Variants in ENTREP2 observed in about 807,000 individuals in gnomAD.
ENTREP2 encodes endosomal transmembrane epsin interactor 2.
the ENTREP2 span, among the ~76,000 whole-genome samples, chr15:29,460,880 A>G: frequency 6.6e-6 from 1 of 152,216 alleles, no homozygotes; most frequent in Non-Finnish European, 1.5e-5. Flanking sequence ...AATAAAACCT[A>G]GAAGTCAATT....
At chr15:29,444,246 GAA>G in the ENTREP2 span, among the ~76,000 whole-genome samples, 27 of 147,610 alleles carry the variant, frequency 1.8e-4, no homozygotes, top group African/African-American at 6.5e-4. Context: ...AAGAAAGAAA[GAA>G]AGAGAAAGAG....
chr15:29,577,729 T>C, the ENTREP2 span, among the ~76,000 whole-genome samples: 1 of 152,186 alleles, frequency 6.6e-6, no homozygotes, highest in Non-Finnish European at 1.5e-5. Flanking sequence ...GGTCTGTACA[T>C]ACATTGGAAT....
the ENTREP2 span, chr15:29,121,780 G>C: frequency 6.6e-6 from 1 of 152,186 alleles, no homozygotes; most frequent in Non-Finnish European, 1.5e-5. Context: ...CTTTTCAGCC[G>C]ACCACAGCTG....
At chr15:29,659,069 T>C in the ENTREP2 span, among the ~76,000 whole-genome samples, 1 of 152,250 alleles carries the variant, frequency 6.6e-6, no homozygotes, top group Non-Finnish European at 1.5e-5. Flanking sequence ...CTGTCCTTTC[T>C]AGCACATAAA....
the ENTREP2 span, among the ~76,000 whole-genome samples, chr15:29,411,970 C>T: frequency 1.3e-5 from 2 of 152,168 alleles, no homozygotes; most frequent in African/African-American, 4.8e-5. Flanking sequence ...CACTTACTGT[C>T]TATAGCTTAA....
the ENTREP2 span, among the ~76,000 whole-genome samples, chr15:29,514,090 C>T: frequency 6.6e-6 from 1 of 152,200 alleles, no homozygotes; most frequent in African/African-American, 2.4e-5. Flanking sequence ...TGGTAAAAAA[C>T]ATGTAAGATT....
the ENTREP2 span, among the ~76,000 whole-genome samples, chr15:29,532,276 T>C: frequency 8.5e-5 from 13 of 152,192 alleles, no homozygotes; most frequent in Admixed American, 7.2e-4. Context: ...TGATCTGTGT[T>C]TACTAAAACT....
At chr15:29,443,336 A>G in the ENTREP2 span, among the ~76,000 whole-genome samples, 7 of 152,180 alleles carry the variant, frequency 4.6e-5, no homozygotes, top group Non-Finnish European at 8.8e-5. Flanking sequence ...GACCCTCCAA[A>G]GCCCAGGAAC....
chr15:29,315,692 T>C, the ENTREP2 span, among the ~76,000 whole-genome samples: 4 of 151,946 alleles, frequency 2.6e-5, no homozygotes, highest in Non-Finnish European at 5.9e-5. Context: ...TCCAAAGTAA[T>C]AAGGGAAAAA....
chr15:29,609,686 A>G, the ENTREP2 span: 1 of 150,102 alleles, frequency 6.7e-6, no homozygotes, highest in East Asian at 2.0e-4. Flanking sequence ...TAATAATAAT[A>G]ATCTGTTTAT....
chr15:29,495,704 A>G, the ENTREP2 span, among the ~76,000 whole-genome samples: 1 of 152,136 alleles, frequency 6.6e-6, no homozygotes, highest in South Asian at 2.1e-4. Flanking sequence ...CCTTTGTCAA[A>G]GATTAGTTGA....
chr15:29,126,317 C>G, the ENTREP2 span: 1 of 1,510,404 alleles, frequency 6.6e-7, no homozygotes, highest in Non-Finnish European at 8.9e-7. Context: ...GCGGGACACA[C>G]GCCCGGGACC....
At chr15:29,123,030 C>A in the ENTREP2 span, 205 of 291,376 alleles carry the variant, frequency 7.0e-4, 1 homozygote, top group East Asian at 0.011. Flanking sequence ...CACATTTGTG[C>A]AACACTGCTC....
At chr15:29,241,813 A>T in the ENTREP2 span, among the ~76,000 whole-genome samples, 1 of 152,124 alleles carries the variant, frequency 6.6e-6, no homozygotes, top group Non-Finnish European at 1.5e-5. Flanking sequence ...CCGGAGGATC[A>T]GTTGAGGCCA....
chr15:29,518,176 G>C, the ENTREP2 span, among the ~76,000 whole-genome samples: 3 of 152,074 alleles, frequency 2.0e-5, no homozygotes, highest in African/African-American at 4.8e-5. Context: ...ACTCCAGCCT[G>C]GGTGAAAGAG....
the ENTREP2 span, among the ~76,000 whole-genome samples, chr15:29,671,991 T>C: frequency 6.6e-6 from 1 of 152,132 alleles, no homozygotes; most frequent in Non-Finnish European, 1.5e-5. Context: ...GATTCTTTTT[T>C]TGTTTGTTTG....
the ENTREP2 span, among the ~76,000 whole-genome samples, chr15:29,578,856 G>A: frequency 6.6e-6 from 1 of 152,104 alleles, no homozygotes; most frequent in Non-Finnish European, 1.5e-5. Context: ...GTATTGACTA[G>A]AATTTTGTGA....
the ENTREP2 span, among the ~76,000 whole-genome samples, chr15:29,328,137 G>A: frequency 6.4e-3 from 968 of 152,260 alleles, 9 homozygotes; most frequent in African/African-American, 0.022. Context: ...AAAACAATAT[G>A]GATGAATCTT....
the ENTREP2 span, among the ~76,000 whole-genome samples, chr15:29,562,093 C>T: frequency 2.2e-4 from 33 of 152,330 alleles, no homozygotes; most frequent in African/African-American, 7.9e-4. Context: ...TCAGATGGAT[C>T]CAGGTTCAGG....
Sources: allele counts gnomAD v4.1 joint callset (sites outside exome capture counted in the v4.1 genomes callset), GRCh38; gene constraint gnomAD v4.1.1; transcripts MANE v1.5; gene names NCBI Gene and HGNC (gene_info 2026-07-23, HGNC 2026-07-21).